Variants in MSH3 observed in about 807,000 individuals in gnomAD.
MSH3 encodes mutS homolog 3.
Under a neutral mutation model 123.3 loss-of-function variants are expected in MSH3, and 106 were observed. The ratio of observed to expected loss-of-function variants is 0.86; its 90% confidence interval spans 0.73 to 1.01. The LOEUF (loss-of-function observed/expected upper bound fraction) is 1.01. Among genes scored for constraint, MSH3 ranks in the 50% least tolerant of loss-of-function variants. The pLI is 0.00. For synonymous variants in MSH3, 515 were observed against 481.4 expected (o/e 1.07, Z -0.91); for missense variants, 1,459 against 1,347.6 (o/e 1.08, Z -1.29).
intron 10 of MSH3, among the ~76,000 whole-genome samples, chr5:80,739,083 TAAAC>T (rs1398264699): frequency 1.3e-5 from 2 of 152,196 alleles, no homozygotes; most frequent in African/African-American, 2.4e-5. Context: ...ATAACCCAAA[TAAAC>T]AAAGATGCCA....
At chr5:80,740,163 G>C (rs563094812) in intron 10 of MSH3, among the ~76,000 whole-genome samples, 3 of 152,204 alleles carry the variant, frequency 2.0e-5, no homozygotes, top group African/African-American at 7.2e-5. Context: ...AACACGAATT[G>C]GAATTGTACA....
rs6151911 is a variant in MSH3 at position 80,853,878 on chromosome 5, C to T, written c.2814-252C>T. 3.5e-3 allele frequency among the ~76,000 whole-genome samples: 531 copies of T among 152,242 alleles called. 2 individuals carry two copies. Among genetic ancestry groups the T allele is most frequent in the African/African-American group, 0.012 (503 of 41,548 alleles). On this transcript the variant is annotated intron_variant, in intron 20 of 23. Coordinates refer to ENST00000265081, the MANE Select transcript of MSH3 (RefSeq NM_002439.5). ...TTAGTGAGAAAAAAGCAGGATCAAA[C>T]GTTTCCCTACTTTTTAGGAGTTCTG...
At chr5:80,722,365 T>C (rs1218235310) in intron 8 of MSH3, among the ~76,000 whole-genome samples, 1 of 152,250 alleles carries the variant, frequency 6.6e-6, no homozygotes. Flanking sequence ...TTGTTTATAG[T>C]ATAGCTTTAC....
In MSH3 at chr5:80,794,895, A is replaced by G. The variant is rs141329975; in HGVS notation, c.2655+2051A>G. ...TTCTGAACCCTGAACCCTGAGGTAC[A>G]TGGTCCATGGTTGGATGTGGCAGAA... On this transcript the variant is annotated intron_variant, in intron 19 of 23. Coordinates refer to ENST00000265081, the MANE Select transcript of MSH3 (RefSeq NM_002439.5). 2.8e-3 allele frequency among the ~76,000 whole-genome samples: 419 copies of G among 152,324 alleles called. 4 individuals carry two copies. The highest frequency in any genetic ancestry group is 9.5e-3 in the African/African-American group (397 of 41,582).
At chr5:80,789,614 A>C (rs1580052168) in intron 18 of MSH3, among the ~76,000 whole-genome samples, 1 of 152,040 alleles carries the variant, frequency 6.6e-6, no homozygotes, top group African/African-American at 2.4e-5. Flanking sequence ...CAAGCAATCC[A>C]CCTGCCTTGG....
At chr5:80,857,852 AT>A (rs1745944817) in intron 21 of MSH3, among the ~76,000 whole-genome samples, 2 of 151,752 alleles carry the variant, frequency 1.3e-5, no homozygotes, top group Admixed American at 1.3e-4. Flanking sequence ...TCTATTGATT[AT>A]TTTCCCCATT....
Position 80,785,549 on chromosome 5 carries a change from C to T in MSH3, c.2436-2016C>T, listed in dbSNP as rs6151832. Among the ~76,000 whole-genome samples, 24 of 152,200 alleles carry T rather than the reference C, an allele frequency of 1.6e-4. No individual in the cohort carries two copies. In the East Asian group the frequency reaches 2.3e-3, roughly 15 times the overall value. ...TCAACCATTGTGGAAGTCAGTGTGG[C>T]GATTCCTCAGGGATCTAGAACTAGA... On this transcript the variant is annotated intron_variant, in intron 17 of 23. Coordinates refer to ENST00000265081, the MANE Select transcript of MSH3 (RefSeq NM_002439.5).
intron 10 of MSH3, among the ~76,000 whole-genome samples, chr5:80,740,930 G>A (rs972941991): frequency 6.6e-6 from 1 of 151,416 alleles, no homozygotes; most frequent in African/African-American, 2.4e-5. Flanking sequence ...TGGCCAGGCT[G>A]GTTTCGAACT....
chr5:80,715,286 C>T (rs1361642828), intron 8 of MSH3: 1 of 152,146 alleles, frequency 6.6e-6, no homozygotes, highest in East Asian at 1.9e-4. Context: ...AGAAATAACA[C>T]TGACAAAAGT....
chr5:80,747,745 A>G (rs1743748319), intron 12 of MSH3, among the ~76,000 whole-genome samples: 1 of 152,148 alleles, frequency 6.6e-6, no homozygotes, highest in African/African-American at 2.4e-5. Flanking sequence ...ACACACAAAT[A>G]CTTACCATTG....
At chr5:80,874,276 T>C (rs1274740433) in intron 23 of MSH3, among the ~76,000 whole-genome samples, 1 of 152,226 alleles carries the variant, frequency 6.6e-6, no homozygotes, top group African/African-American at 2.4e-5. Context: ...CTTCTCTTTC[T>C]CTACCTCCTT....
chr5:80,806,333 A>G (rs533213849), intron 19 of MSH3, among the ~76,000 whole-genome samples: 39 of 151,352 alleles, frequency 2.6e-4, no homozygotes, highest in Non-Finnish European at 4.9e-4. Context: ...CTGACCTCAG[A>G]TGATCTGCCC....
intron 7 of MSH3, among the ~76,000 whole-genome samples, chr5:80,676,515 T>A (rs1749842185): frequency 6.6e-6 from 1 of 152,244 alleles, no homozygotes; most frequent in African/African-American, 2.4e-5. Context: ...TCTTTGCTTT[T>A]TCTAATTTCT....
At chr5:80,870,813 T>G (rs1437835212) in intron 22 of MSH3, among the ~76,000 whole-genome samples, 1 of 152,196 alleles carries the variant, frequency 6.6e-6, no homozygotes, top group Non-Finnish European at 1.5e-5. Context: ...AGCATACACA[T>G]CTATCAAATG....
At chr5:80,775,235 C>T (rs1744278015) in intron 15 of MSH3, among the ~76,000 whole-genome samples, 1 of 152,064 alleles carries the variant, frequency 6.6e-6, no homozygotes, top group African/African-American at 2.4e-5. Context: ...GATTTCAGTT[C>T]CTTGGATAAA....
At chr5:80,735,158 C>A (rs952633908) in intron 10 of MSH3, among the ~76,000 whole-genome samples, 4 of 152,024 alleles carry the variant, frequency 2.6e-5, no homozygotes, top group African/African-American at 9.7e-5. Context: ...GTGAGGTGGG[C>A]AGATCACCTG....
chr5:80,785,088 C>A (rs1028447015), intron 17 of MSH3, among the ~76,000 whole-genome samples: 5 of 152,060 alleles, frequency 3.3e-5, no homozygotes, highest in African/African-American at 1.2e-4. Context: ...ATCTGGATAT[C>A]TTTTTCAAGC....
intron 10 of MSH3, among the ~76,000 whole-genome samples, chr5:80,739,951 T>C (rs1743581730): frequency 6.6e-6 from 1 of 152,232 alleles, no homozygotes; most frequent in African/African-American, 2.4e-5. Flanking sequence ...AATTTCATTA[T>C]AGCTATGAGA....
chr5:80,831,379 G>A (rs1561492280), intron 20 of MSH3, among the ~76,000 whole-genome samples: 1 of 152,114 alleles, frequency 6.6e-6, no homozygotes, highest in Non-Finnish European at 1.5e-5. Context: ...TGTTGTTTAG[G>A]TAGATGGCTT....
Sources: gnomAD v4.1 joint callset for allele counts (sites outside exome capture counted in the v4.1 genomes callset) on GRCh38, gnomAD v4.1.1 for gene constraint, MANE v1.5 for transcripts, NCBI Gene and HGNC (gene_info 2026-07-23, HGNC 2026-07-21) for gene names.